The following OCA2 variants were observed in gnomAD, a reference collection of about 807,000 sequenced individuals.
OCA2 encodes P protein.
Under a neutral mutation model 100.2 loss-of-function variants are expected in OCA2, and 77 were observed. The ratio of observed to expected loss-of-function variants is 0.77; its 90% CI spans 0.64 to 0.93. The LOEUF (loss-of-function observed/expected upper bound fraction) is 0.93, where lower values mean the gene tolerates loss of function less well. OCA2 is among the 40% of genes least tolerant of loss of function. OCA2 has a pLI of 0.00. For synonymous variants in OCA2, 432 were observed against 439.2 expected, an observed-to-expected ratio of 0.98 and a Z score of 0.21; for missense variants, 1,062 against 1,089.1, an observed-to-expected ratio of 0.98 and a Z score of 0.35.
At chr15:27,886,270 T>C (rs1450011050) in intron 19 of OCA2, among the ~76,000 whole-genome samples, 2 of 152,202 alleles carry the variant, frequency 1.3e-5, no homozygotes, top group Non-Finnish European at 2.9e-5. Flanking sequence ...AAGGACAACA[T>C]GCTGCTATCA....
At chr15:28,034,972 G>A (rs1223154169) in intron 2 of OCA2, among the ~76,000 whole-genome samples, 1 of 152,164 alleles carries the variant, frequency 6.6e-6, no homozygotes, top group Non-Finnish European at 1.5e-5. Context: ...GAGTGCTCAG[G>A]AGAGTGCCCA....
At chr15:27,776,958 G>A (rs956382882) in intron 23 of OCA2, among the ~76,000 whole-genome samples, 6 of 150,002 alleles carry the variant, frequency 4.0e-5, no homozygotes, top group African/African-American at 7.4e-5. Flanking sequence ...CAAGTGTGGC[G>A]GCGGGGAGCG....
chr15:28,042,197 GGGA>G (rs912530406), intron 2 of OCA2, among the ~76,000 whole-genome samples: 32 of 152,202 alleles, frequency 2.1e-4, no homozygotes, highest in African/African-American at 7.5e-4. Flanking sequence ...AAATGATACA[GGGA>G]AGGATAGAAA....
chr15:27,892,349 T>A (rs1351836817), intron 19 of OCA2, among the ~76,000 whole-genome samples: 2 of 151,732 alleles, frequency 1.3e-5, no homozygotes, highest in Non-Finnish European at 2.9e-5. Context: ...AAAAATAAAC[T>A]CATACAGAGT....
the OCA2 span, among the ~76,000 whole-genome samples, chr15:27,728,790 G>T: frequency 6.6e-6 from 1 of 152,144 alleles, no homozygotes; most frequent in African/African-American, 2.4e-5. Flanking sequence ...AGAATACTCT[G>T]ACCTTTTGGT....
Position 27,989,334 on chromosome 15 carries a change from G to A in OCA2, c.1182+267C>T, listed in dbSNP as rs145752723. 1.0e-3 allele frequency among the ~76,000 whole-genome samples: 156 copies of A among 151,954 alleles called. 1 individual carries two copies. Among genetic ancestry groups the A allele is most frequent in the African/African-American group, 3.6e-3 (149 of 41,476 alleles). ...GATAGTCCATTTTTTTTATTTTAAC[G>A]GAAATAACTCAAAAGAATTGCTAGC... On this transcript the variant is annotated intron_variant, in intron 11 of 23. Transcript: ENST00000354638.
In OCA2 at chr15:28,032,037, C is replaced by A. The variant is rs771354307; in HGVS notation, c.326+28G>T. 3.2e-6 allele frequency: 5 copies of A among 1,564,774 alleles called. No homozygotes were observed. The South Asian group carries it at 5.5e-5, about 17-fold the overall frequency. ...CAGGTGCAATGCTCAGAAACTCTTACTTTCATATGAGGGGGAAAATATCTC... is the reference window on the plus strand; with the variant it reads ...CAGGTGCAATGCTCAGAAACTCTTAATTTCATATGAGGGGGAAAATATCTC... On this transcript the variant is annotated intron_variant, in intron 3 of 23. Coordinates refer to ENST00000354638, the MANE Select transcript of OCA2 (RefSeq NM_000275.3).
chr15:28,061,294 C>G (rs555280378), intron 2 of OCA2, among the ~76,000 whole-genome samples: 2 of 152,106 alleles, frequency 1.3e-5, no homozygotes, highest in African/African-American at 4.8e-5. Context: ...TGGTCCCAGC[C>G]CTTATTTAAG....
At chr15:27,876,739 A>G (rs1436439318) in intron 19 of OCA2, among the ~76,000 whole-genome samples, 7 of 151,666 alleles carry the variant, frequency 4.6e-5, no homozygotes, top group Admixed American at 1.3e-4. Flanking sequence ...TTGTTAATAG[A>G]TTCTCTTATT....
intron 7 of OCA2, 26 bp from the exon 8 acceptor site, chr15:28,016,212 G>A: frequency 6.3e-7 from 1 of 1,592,896 alleles, no homozygotes. Flanking sequence ...CATAAGTTAT[G>A]GTGAGGCTTT....
intron 15 of OCA2, among the ~76,000 whole-genome samples, chr15:27,958,480 G>A (rs898890224): frequency 6.6e-6 from 1 of 152,172 alleles, no homozygotes; most frequent in Non-Finnish European, 1.5e-5. Flanking sequence ...CAGAAGACAG[G>A]GAGGCGCCCT....
chr15:27,780,535 GTTGTC>G (rs1424442201), intron 23 of OCA2, among the ~76,000 whole-genome samples: 3 of 152,178 alleles, frequency 2.0e-5, no homozygotes, highest in African/African-American at 7.2e-5. Flanking sequence ...GGCTCCTTTA[GTTGTC>G]TCTGAGTGTT....
intron 19 of OCA2, among the ~76,000 whole-genome samples, chr15:27,900,725 C>G (rs1301952301): frequency 6.6e-6 from 1 of 152,196 alleles, no homozygotes; most frequent in African/African-American, 2.4e-5. Flanking sequence ...TCAGAGGGAA[C>G]TAGGTTGCTG....
intron 21 of OCA2, among the ~76,000 whole-genome samples, chr15:27,859,334 G>A (rs1466000880): frequency 6.6e-6 from 1 of 151,748 alleles, no homozygotes; most frequent in Non-Finnish European, 1.5e-5. Context: ...AAACTAAAGT[G>A]GAAACATTAT....
chr15:28,002,835 C>A (rs1408474830), intron 9 of OCA2, among the ~76,000 whole-genome samples: 1 of 152,188 alleles, frequency 6.6e-6, no homozygotes, highest in Non-Finnish European at 1.5e-5. Context: ...TTGCAAGGCC[C>A]CTTGGACACC....
rs192782939 is a variant in OCA2 at position 28,048,389 on chromosome 15, C to T, written c.228-16226G>A. ...ATGAAAGTCCAGAAATAAACTCATA[C>T]ATCTTATGGCCAACCAGTTTTGTGG... On this transcript the variant is annotated intron_variant, in intron 2 of 23. Transcript: ENST00000354638. 3.9e-5 allele frequency among the ~76,000 whole-genome samples: 6 copies of T among 152,288 alleles called. No individual in the cohort carries two copies. The South Asian group carries it at 6.2e-4, about 16-fold the overall frequency.
intron 18 of OCA2, among the ~76,000 whole-genome samples, chr15:27,931,580 C>T (rs1243155841): frequency 1.3e-5 from 2 of 152,258 alleles, no homozygotes; most frequent in East Asian, 3.9e-4. Context: ...AGGTGATCCA[C>T]CAGCCTCAGC....
intron 19 of OCA2, among the ~76,000 whole-genome samples, chr15:27,913,838 G>GAAAGGAAA (rs1555430803): frequency 2.7e-5 from 1 of 37,032 alleles, no homozygotes; most frequent in Non-Finnish European, 4.7e-5. Context: ...AAGAAAGAAA[G>GAAAGGAAA]GAAAGAAAGA....
intron 18 of OCA2, among the ~76,000 whole-genome samples, chr15:27,935,005 T>C (rs1249447096): frequency 6.6e-6 from 1 of 152,124 alleles, no homozygotes; most frequent in Non-Finnish European, 1.5e-5. Context: ...GCAGCCCCGG[T>C]CCCTGTGAGC....
Sources: gnomAD v4.1 joint callset for allele counts (sites outside exome capture counted in the v4.1 genomes callset) on GRCh38, gnomAD v4.1.1 for gene constraint, MANE v1.5 for transcripts, NCBI Gene and HGNC (gene_info 2026-07-23, HGNC 2026-07-21) for gene names.